TXNDC15: variants seen among roughly 807,000 people sequenced by gnomAD.
TXNDC15 encodes the protein thioredoxin domain-containing protein 15.
TXNDC15 carries 24 observed loss-of-function variants against 35.0 expected under a neutral mutation model. That is an observed-to-expected ratio of 0.68 (90% confidence interval 0.50 to 0.96). TXNDC15 has a LOEUF of 0.96. Among genes scored for constraint, TXNDC15 ranks in the 40% least tolerant of loss-of-function variants. The pLI is 0.00. For missense variants in TXNDC15, 385 were observed against 453.3 expected (o/e 0.85, Z 1.37); for synonymous variants, 169 against 174.0 (o/e 0.97, Z 0.23).
rs1338842323 is a variant in TXNDC15, at chr5:134,881,729, G to A, written c.104-5966G>A. Among the ~76,000 whole-genome samples the A allele has an allele frequency of 7.4e-5, 11 of 148,090 alleles. No individual in the cohort carries two copies. In the South Asian group the frequency reaches 2.2e-3, roughly 30 times the overall value. The stretch of plus-strand genomic sequence containing the variant: ...ACACCTCCCAGACGGGGTGGTGGCC[G>A]GGCAGAGGGGCTCCTCACTTCCCAG... On this transcript the variant is annotated intron_variant, in intron 1 of 4. Coordinates refer to ENST00000358387, the MANE Select transcript of TXNDC15 (RefSeq NM_024715.4).
intron 1 of TXNDC15, 84 bp downstream of exon 1, chr5:134,874,614 C>A: frequency 9.0e-7 from 1 of 1,113,968 alleles, no homozygotes; most frequent in Non-Finnish European, 1.3e-6. Flanking sequence ...GCGCGAAGGC[C>A]GGCGGTGCGC....
At chr5:134,894,791 C>A (rs1750458050) in intron 3 of TXNDC15, among the ~76,000 whole-genome samples, 1 of 152,074 alleles carries the variant, frequency 6.6e-6, no homozygotes, top group African/African-American at 2.4e-5. Flanking sequence ...AGTAGGTCAG[C>A]CTCAACAAGG....
chr5:134,892,794 G>A (rs1207873157), intron 2 of TXNDC15: 2 of 152,170 alleles, frequency 1.3e-5, no homozygotes, highest in African/African-American at 4.8e-5. Flanking sequence ...TTTCAATATT[G>A]TTGTGTCTCA....
intron 1 of TXNDC15, among the ~76,000 whole-genome samples, chr5:134,882,766 T>G (rs1580860217): frequency 1.3e-5 from 2 of 151,210 alleles, no homozygotes; most frequent in African/African-American, 4.9e-5. Context: ...GGCAGGGAGG[T>G]TGCAGTGAGC....
intron 1 of TXNDC15, among the ~76,000 whole-genome samples, chr5:134,886,789 C>T (rs541376317): frequency 6.6e-6 from 1 of 152,340 alleles, no homozygotes; most frequent in Non-Finnish European, 1.5e-5. Flanking sequence ...GCCTACGGCT[C>T]GTTCTGGAGT....
intron 1 of TXNDC15, among the ~76,000 whole-genome samples, chr5:134,883,890 G>C (rs1750217094): frequency 6.7e-6 from 1 of 149,408 alleles, no homozygotes; most frequent in Non-Finnish European, 1.5e-5. Context: ...ACTCAGCCTG[G>C]GCAATAAAGG....
intron 1 of TXNDC15, among the ~76,000 whole-genome samples, chr5:134,884,483 G>A (rs1750235611): frequency 6.6e-6 from 1 of 151,768 alleles, no homozygotes; most frequent in East Asian, 2.0e-4. Flanking sequence ...CCCGACCTCA[G>A]GTGATCTACC....
intron 1 of TXNDC15, among the ~76,000 whole-genome samples, chr5:134,882,725 A>C (rs1404456268): frequency 2.0e-5 from 3 of 152,136 alleles, no homozygotes; most frequent in Admixed American, 6.5e-5. Context: ...CTGCAATCGC[A>C]GGCACTCGGC....
At chr5:134,884,105 A>G (rs557823310) in intron 1 of TXNDC15, among the ~76,000 whole-genome samples, 1 of 149,416 alleles carries the variant, frequency 6.7e-6, no homozygotes, top group African/African-American at 2.5e-5. Flanking sequence ...CTATAATCCC[A>G]GCTACTTGGG....
At chr5:134,897,095 A>C (rs892739530) in intron 4 of TXNDC15, among the ~76,000 whole-genome samples, 8 of 150,706 alleles carry the variant, frequency 5.3e-5, no homozygotes, top group African/African-American at 1.7e-4. Flanking sequence ...GCGTGTGCCC[A>C]GCTAATTTTT....
At chr5:134,874,599 G>A in intron 1 of TXNDC15, 69 bp downstream of exon 1, 1 of 1,333,496 alleles carries the variant, frequency 7.5e-7, no homozygotes, top group Non-Finnish European at 1.0e-6. Context: ...CGACGCTCTG[G>A]ACCTGCGCGA....
intron 1 of TXNDC15, chr5:134,875,265 T>C (rs1175139634): frequency 2.2e-6 from 1 of 456,048 alleles, no homozygotes; most frequent in African/African-American, 2.0e-5. Context: ...TTCACCCCAC[T>C]CCTCATAGTC....
chr5:134,884,356 C>T (rs1750232172), intron 1 of TXNDC15, among the ~76,000 whole-genome samples: 1 of 141,164 alleles, frequency 7.1e-6, no homozygotes, highest in Admixed American at 7.3e-5. Context: ...TCAAGCGATT[C>T]TCCTGCCTCA....
chr5:134,899,822 C>A lies in TXNDC15; in HGVS notation c.*137C>A. The A allele has an allele frequency of 1.4e-6, 1 of 695,766 alleles. No homozygotes were observed. The highest frequency in any genetic ancestry group is 2.2e-6 in the Non-Finnish European group (1 of 445,102). The allele number at this position is 695,766 out of a possible 1,614,324, so 43.1% of individuals were successfully genotyped here. On this transcript the variant is annotated 3_prime_UTR_variant, in exon 5 of 5. Transcript: ENST00000358387. ...ATTAAAAGAATCATTTGTTGAACAA[C>A]TGAATGTATAAAAAAATTATAAACT...
chr5:134,874,265 G>A (rs968186807), upstream of TXNDC15: 4 of 588,394 alleles, frequency 6.8e-6, no homozygotes, highest in African/African-American at 6.0e-5. Context: ...CCAGCGGCTA[G>A]AGGCCGTCCG....
In TXNDC15 at chr5:134,889,752, G is replaced by C. The variant is rs1750351024; in HGVS notation, c.591+1570G>C. 2.6e-5 allele frequency among the ~76,000 whole-genome samples: 4 copies of C among 152,316 alleles called. No individual in the cohort carries two copies. The South Asian group carries it at 8.3e-4, about 32-fold the overall frequency. On this transcript the variant is annotated intron_variant, in intron 2 of 4. Transcript: ENST00000358387. ...CAAAGATACTACAGGTTTGGTTCCA[G>C]ACCACTGTGATAAAGCAAATATCGC...
intron 1 of TXNDC15, among the ~76,000 whole-genome samples, chr5:134,883,587 C>CAAAAAAAAAAAAAAAAAAA (rs60114636): frequency 2.6e-4 from 17 of 65,358 alleles, no homozygotes; most frequent in African/African-American, 1.2e-3. Context: ...GACCCTGTCT[C>CAAAAAAAAAAAAAAAAAAA]AAAAAAAAAA....
chr5:134,888,331 G>C (rs1750319717), intron 2 of TXNDC15, 149 bp downstream of exon 2: 1 of 849,426 alleles, frequency 1.2e-6, no homozygotes, highest in Non-Finnish European at 1.8e-6. Context: ...AATCAACTTT[G>C]CCCTCTGTGA....
intron 1 of TXNDC15, chr5:134,874,976 C>T: frequency 2.7e-6 from 1 of 372,494 alleles, no homozygotes. Flanking sequence ...AGATCGGTTC[C>T]GTTTAGTGTC....
Sources: allele counts gnomAD v4.1 joint callset (sites outside exome capture counted in the v4.1 genomes callset), GRCh38; gene constraint gnomAD v4.1.1; transcripts MANE v1.5; gene names NCBI Gene and HGNC (gene_info 2026-07-23, HGNC 2026-07-21).